TMPRSS3: variants seen among roughly 807,000 people sequenced by gnomAD.
TMPRSS3 encodes transmembrane protease serine 3.
Under a neutral mutation model 59.6 loss-of-function variants are expected in TMPRSS3, and 55 were observed. That is an observed-to-expected ratio of 0.92 (90% CI 0.74 to 1.16). TMPRSS3 has a LOEUF of 1.16. Among genes scored for constraint, TMPRSS3 ranks in the 50% most tolerant of loss-of-function variants. TMPRSS3 has a pLI of 0.00. For synonymous variants in TMPRSS3, 257 were observed against 237.7 expected (o/e 1.08, Z -0.75); for missense variants, 596 against 579.4 (o/e 1.03, Z -0.29).
At chr21:42,395,803 T>C (rs2052798856) in intron 1 of TMPRSS3, 139 bp downstream of exon 1, 1 of 407,556 alleles carries the variant, frequency 2.5e-6, no homozygotes, top group Non-Finnish European at 4.9e-6. Flanking sequence ...GCCATATTGC[T>C]ATTGTTCAGA....
At chr21:42,390,347 A>G in intron 2 of TMPRSS3, 1 of 379,464 alleles carries the variant, frequency 2.6e-6, no homozygotes, top group Non-Finnish European at 5.1e-6. Context: ...TTATTTGGAG[A>G]TGGCCTGGAG....
chr21:42,385,667 G>A (rs902948715), intron 5 of TMPRSS3, 133 bp from the exon 6 acceptor site: 7 of 1,178,976 alleles, frequency 5.9e-6, no homozygotes, highest in African/African-American at 4.6e-5. Flanking sequence ...CCCATCAAAG[G>A]CTTCCTTTGC....
intron 12 of TMPRSS3, among the ~76,000 whole-genome samples, chr21:42,374,973 T>G (rs2052396140): frequency 7.1e-6 from 1 of 141,754 alleles, no homozygotes; most frequent in South Asian, 2.2e-4. Context: ...GGACCTCCTG[T>G]GTTTGAAACC....
chr21:42,388,279 G>C lies in TMPRSS3; in HGVS notation c.446+124C>G. The stretch of plus-strand genomic sequence containing the variant: ...GGATGATATCGGGCATCCTAAGGTG[G>C]ATGTGAGGATGTAATCTGAGAGCGT... On this transcript the variant is annotated intron_variant, in intron 5 of 12. Coordinates refer to ENST00000644384, the MANE Select transcript of TMPRSS3 (RefSeq NM_001256317.3). The surrounding 1 kb of genome is among the most constrained non-coding windows in gnomAD (Gnocchi z 5.1). 1 of 1,305,744 alleles carries C rather than the reference G, an allele frequency of 7.7e-7. No individual in the cohort carries two copies. 80.9% of individuals were successfully genotyped at this position (1,305,744 alleles called of 1,614,324 possible). A position where few individuals can be genotyped will look rare whatever the true frequency, so the allele number is the denominator to read the frequency against.
Position 42,388,557 on chromosome 21 carries a change from A to G in TMPRSS3, c.323-31T>C. On this transcript the variant is annotated intron_variant, in intron 4 of 12. Coordinates refer to ENST00000644384, the MANE Select transcript of TMPRSS3 (RefSeq NM_001256317.3). This position sits in a 1 kb window ranked among gnomAD's most constrained non-coding sequence, Gnocchi z 5.1. ...CGATGTGCAGAAAGAAAGGCTTATT[A>G]GTGGCCAGTGGAACCCTGAGACCAT... The G allele has an allele frequency of 6.2e-7, 1 of 1,614,130 alleles. No individual in the cohort carries two copies. The highest frequency in any genetic ancestry group is 8.5e-7 in the Non-Finnish European group (1 of 1,180,020).
intron 10 of TMPRSS3, among the ~76,000 whole-genome samples, 159 bp from the exon 11 acceptor site, chr21:42,376,842 C>A (rs769934547): frequency 3.3e-5 from 5 of 152,152 alleles, no homozygotes; most frequent in Non-Finnish European, 5.9e-5. Context: ...GCGGGTGGGA[C>A]GAGCAGACTC....
At chr21:42,380,392 C>G (rs1243524811) in intron 9 of TMPRSS3, among the ~76,000 whole-genome samples, 180 bp from the exon 10 acceptor site, 1 of 152,146 alleles carries the variant, frequency 6.6e-6, no homozygotes, top group Non-Finnish European at 1.5e-5. Flanking sequence ...TCCACCACAC[C>G]CAGAGCACTT....
chr21:42,388,321 G>A lies in TMPRSS3; in HGVS notation c.446+82C>T. The A allele has an allele frequency of 1.3e-6, 2 of 1,586,358 alleles. No individual in the cohort carries two copies. The highest frequency in any genetic ancestry group is 1.7e-6 in the Non-Finnish European group (2 of 1,155,162). On this transcript the variant is annotated intron_variant, in intron 5 of 12. Coordinates refer to ENST00000644384, the MANE Select transcript of TMPRSS3 (RefSeq NM_001256317.3). The surrounding 1 kb of genome is among the most constrained non-coding windows in gnomAD (Gnocchi z 5.1). Reference sequence around the variant, plus strand: ...TGAGAGCGTTAAAGCACCCAATAGTGCCCAACTAAATGGTAGTTGTCTTTC... The same window carrying A: ...TGAGAGCGTTAAAGCACCCAATAGTACCCAACTAAATGGTAGTTGTCTTTC...
chr21:42,382,749 C>T, intron 8 of TMPRSS3: 2 of 518,110 alleles, frequency 3.9e-6, no homozygotes, highest in Non-Finnish European at 3.5e-6. Flanking sequence ...GGTCTAGGTC[C>T]TTTCATTTTT....
Position 42,371,999 on chromosome 21 carries a change from C to T in TMPRSS3, c.*763G>A, listed in dbSNP as rs1450461659. ...CTTAAACGAGTCATTCCTAGATTAACCTCCCCACATGTGAAAATAAGTCTT... is the reference window on the plus strand; with the variant it reads ...CTTAAACGAGTCATTCCTAGATTAATCTCCCCACATGTGAAAATAAGTCTT... On this transcript the variant is annotated 3_prime_UTR_variant, in exon 13 of 13. Transcript: ENST00000644384. 1 of 454,550 alleles carries T rather than the reference C, an allele frequency of 2.2e-6. No homozygotes were observed. The allele number at this position is 454,550 out of a possible 1,614,324, so 28.2% of individuals were successfully genotyped here.
chr21:42,376,357 C>A (rs544688985), intron 11 of TMPRSS3, among the ~76,000 whole-genome samples, 184 bp downstream of exon 11: 1 of 152,350 alleles, frequency 6.6e-6, no homozygotes, highest in South Asian at 2.1e-4. Flanking sequence ...AGCACCCACG[C>A]AGAGCCAGAT....
rs145766262 is a variant in TMPRSS3, at chr21:42,376,563, G to C, written c.1169C>G (p.Thr390Arg). 1.2e-6 allele frequency: 2 copies of C among 1,613,584 alleles called. No homozygotes were observed. Among genetic ancestry groups the C allele is most frequent in the Non-Finnish European group, 1.7e-6 (2 of 1,179,974 alleles). Residue 390 changes from threonine to arginine, a missense_variant, in exon 11 of 13, where the codon ACG (threonine) becomes AGG (arginine). Thr to Arg is a moderately conservative substitution (Grantham distance 71, BLOSUM62 -1). Transcript: ENST00000644384. ...TACCTGGCAGCTGTCCACGCCACCC[G>C]TCAGGTAGCCCGCGCAGAGCATGGA... ...SPSMLCAGYL[T>R]GGVDSCQGDS...
Position 42,371,926 on chromosome 21 carries a change from A to G in TMPRSS3, c.*836T>C, listed in dbSNP as rs1403041070. ...AACATATTATTTGGAATCAAAGGACAATAATACGTCAAGCACCAAATGCTA... is the reference window on the plus strand; with the variant it reads ...AACATATTATTTGGAATCAAAGGACGATAATACGTCAAGCACCAAATGCTA... On this transcript the variant is annotated 3_prime_UTR_variant, in exon 13 of 13. Transcript: ENST00000644384. 1 of 454,596 alleles carries G rather than the reference A, an allele frequency of 2.2e-6. No homozygotes were observed. Among genetic ancestry groups the G allele is most frequent in the Non-Finnish European group, 4.4e-6 (1 of 226,700 alleles). The allele number at this position is 454,596 out of a possible 1,614,324, so 28.2% of individuals were successfully genotyped here. A position where few individuals can be genotyped will look rare whatever the true frequency, so the allele number is the denominator to read the frequency against.
At chr21:42,389,225 T>C in intron 3 of TMPRSS3, 180 bp from the exon 4 acceptor site, 1 of 1,313,042 alleles carries the variant, frequency 7.6e-7, no homozygotes. Flanking sequence ...TTCCAAGGGG[T>C]GGGGCTGCTG....
chr21:42,394,719 G>C (rs528878213), intron 2 of TMPRSS3, among the ~76,000 whole-genome samples: 2 of 152,250 alleles, frequency 1.3e-5, no homozygotes, highest in Non-Finnish European at 2.9e-5. Context: ...GAATCTGCCT[G>C]CGTCCAAGCC....
At chr21:42,381,653 C>T (rs2146433294) in intron 9 of TMPRSS3, among the ~76,000 whole-genome samples, 1 of 152,296 alleles carries the variant, frequency 6.6e-6, no homozygotes, top group African/African-American at 2.4e-5. Flanking sequence ...GAGAAGGTGG[C>T]ACCAGACAAA....
In TMPRSS3 at chr21:42,385,696, T is replaced by C. The variant is rs542555775; in HGVS notation, c.447-162A>G. On this transcript the variant is annotated intron_variant, in intron 5 of 12. Coordinates refer to ENST00000644384, the MANE Select transcript of TMPRSS3 (RefSeq NM_001256317.3). ...CCTTTGCCAAGAGAATGAAGTTCAC[T>C]CACCCTGGCAAGGCATTCAGTCCAG... 2.6e-5 allele frequency among the ~76,000 whole-genome samples: 4 copies of C among 152,296 alleles called. No homozygotes were observed. The South Asian group carries it at 8.3e-4, about 32-fold the overall frequency.
chr21:42,380,560 G>A (rs2052510117), intron 9 of TMPRSS3, among the ~76,000 whole-genome samples: 1 of 152,232 alleles, frequency 6.6e-6, no homozygotes, highest in African/African-American at 2.4e-5. Flanking sequence ...CCAGGTAACA[G>A]GTACCCACAT....
chr21:42,388,437 C>A lies in TMPRSS3; in HGVS notation c.412G>T (p.Ala138Ser), dbSNP rs140614903. ...MCSDDWKGHY[A>S]NVACAQLGFP... is the part of the protein sequence containing the mutation. ...CCCAGTTGGGCACAGGCAACATTTG[C>A]GTAGTGACCCTTCCAGTCATCGGAG... Residue 138 changes from alanine (A) to serine (S), a missense_variant, in exon 5 of 13, where the codon GCA becomes TCA. Ala to Ser is a moderately conservative substitution (Grantham distance 99). Coordinates refer to ENST00000644384, the MANE Select transcript of TMPRSS3 (RefSeq NM_001256317.3). This position sits in a 1 kb window ranked among gnomAD's most constrained non-coding sequence, Gnocchi z 5.1. 2.4e-5 allele frequency: 38 copies of A among 1,614,090 alleles called. No individual in the cohort carries two copies. Among genetic ancestry groups the A allele is most frequent in the East Asian group, 6.7e-5 (3 of 44,908 alleles).
Sources: gnomAD v4.1 joint callset for allele counts (sites outside exome capture counted in the v4.1 genomes callset) on GRCh38, gnomAD v4.1.1 for gene constraint, Gnocchi (gnomAD v3.1) non-coding constraint, MANE v1.5 for transcripts, NCBI Gene and HGNC (gene_info 2026-07-23, HGNC 2026-07-21) for gene names.